GPC5: variants seen among roughly 807,000 people sequenced by gnomAD.
GPC5 encodes the protein glypican-5.
In GPC5, 47 loss-of-function variants were observed where a neutral mutation model predicts 53.9. The observed-to-expected ratio is 0.87, with a 90% confidence interval of 0.69 to 1.11. The LOEUF (loss-of-function observed/expected upper bound fraction) is 1.11. Ranked by LOEUF, GPC5 falls within the 50% of genes most tolerant of loss-of-function variation. GPC5 has a pLI of 0.00. For missense variants in GPC5, 748 were observed against 713.1 expected (o/e 1.05, Z -0.56); for synonymous variants, 286 against 263.3 (o/e 1.09, Z -0.84).
intron 1 of GPC5, among the ~76,000 whole-genome samples, chr13:91,419,271 T>C (rs1048302714): frequency 6.6e-6 from 1 of 152,114 alleles, no homozygotes; most frequent in Non-Finnish European, 1.5e-5. Flanking sequence ...ATTCATATAA[T>C]CTGAAAATAA....
At chr13:91,457,398 C>T (rs1039616993) in intron 2 of GPC5, among the ~76,000 whole-genome samples, 1 of 151,920 alleles carries the variant, frequency 6.6e-6, no homozygotes, top group Admixed American at 6.6e-5. Flanking sequence ...TATTTTAAAA[C>T]TCAATAATGT....
chr13:91,405,153 A>G (rs1264773638), intron 1 of GPC5, among the ~76,000 whole-genome samples: 4 of 152,330 alleles, frequency 2.6e-5, no homozygotes, highest in East Asian at 1.9e-4. Flanking sequence ...CCAAACTCCT[A>G]CACAACTCAT....
intron 7 of GPC5, among the ~76,000 whole-genome samples, chr13:92,661,396 A>T (rs565978583): frequency 1.3e-5 from 2 of 152,316 alleles, no homozygotes; most frequent in African/African-American, 4.8e-5. Context: ...TCAGTGTATA[A>T]ATTATACACA....
At chr13:91,620,501 T>A (rs2033824120) in intron 2 of GPC5, among the ~76,000 whole-genome samples, 1 of 152,170 alleles carries the variant, frequency 6.6e-6, no homozygotes, top group South Asian at 2.1e-4. Flanking sequence ...CTACAATTTC[T>A]AGTTATCACC....
At chr13:91,875,173 T>C (rs891374013) in intron 5 of GPC5, among the ~76,000 whole-genome samples, 1 of 152,224 alleles carries the variant, frequency 6.6e-6, no homozygotes, top group African/African-American at 2.4e-5. Context: ...ATATGTCCTT[T>C]ATTGGATGCC....
At chr13:91,741,603 G>C (rs905867206) in intron 4 of GPC5, among the ~76,000 whole-genome samples, 6 of 152,106 alleles carry the variant, frequency 3.9e-5, no homozygotes, top group African/African-American at 9.7e-5. Context: ...GCATCAGTTA[G>C]TTTAAAATGC....
At chr13:92,632,061 C>T (rs1233728901) in intron 7 of GPC5, among the ~76,000 whole-genome samples, 1 of 152,080 alleles carries the variant, frequency 6.6e-6, no homozygotes, top group Non-Finnish European at 1.5e-5. Flanking sequence ...ACTAAACTGG[C>T]CTAACAGAGA....
chr13:92,681,599 A>G (rs748179315), intron 7 of GPC5, among the ~76,000 whole-genome samples: 12 of 152,138 alleles, frequency 7.9e-5, no homozygotes, highest in Non-Finnish European at 1.6e-4. Context: ...TACTTGTCTC[A>G]TGATAAATTC....
intron 5 of GPC5, among the ~76,000 whole-genome samples, chr13:91,805,629 ATGAAG>A: frequency 6.6e-6 from 1 of 152,340 alleles, no homozygotes; most frequent in East Asian, 1.9e-4. Flanking sequence ...TAAAATGAAA[ATGAAG>A]TGTTGTATTG....
intron 7 of GPC5, among the ~76,000 whole-genome samples, chr13:92,862,060 C>T (rs1303319739): frequency 1.3e-5 from 2 of 152,270 alleles, no homozygotes; most frequent in East Asian, 3.9e-4. Flanking sequence ...GAGTTCAATG[C>T]TTTGAATGTG....
intron 3 of GPC5, among the ~76,000 whole-genome samples, chr13:91,727,484 C>T (rs910247643): frequency 6.6e-6 from 1 of 152,090 alleles, no homozygotes; most frequent in Non-Finnish European, 1.5e-5. Flanking sequence ...ACTTTAGTTA[C>T]TCATATTTTC....
At chr13:92,393,503 G>T (rs1160504999) in intron 7 of GPC5, among the ~76,000 whole-genome samples, 1 of 152,100 alleles carries the variant, frequency 6.6e-6, no homozygotes, top group African/African-American at 2.4e-5. Context: ...TTCAAAATTA[G>T]CTGGGCATGG....
At chr13:91,571,950 TAC>T (rs1304805989) in intron 2 of GPC5, among the ~76,000 whole-genome samples, 2 of 137,480 alleles carry the variant, frequency 1.5e-5, no homozygotes, top group Non-Finnish European at 3.2e-5. Flanking sequence ...TATATACATA[TAC>T]ACACATATAT....
At chr13:92,467,022 A>T (rs1041342862) in intron 7 of GPC5, among the ~76,000 whole-genome samples, 1 of 152,076 alleles carries the variant, frequency 6.6e-6, no homozygotes, top group Non-Finnish European at 1.5e-5. Context: ...CCTTCCTAAT[A>T]AAAGCTGGAG....
intron 5 of GPC5, among the ~76,000 whole-genome samples, chr13:91,855,788 C>T (rs2038960982): frequency 6.6e-6 from 1 of 151,400 alleles, no homozygotes; most frequent in Admixed American, 6.6e-5. Flanking sequence ...ATGATTCAGT[C>T]TAGTACTGAG....
intron 7 of GPC5, among the ~76,000 whole-genome samples, chr13:92,148,089 A>G (rs1161040536): frequency 6.6e-6 from 1 of 152,138 alleles, no homozygotes; most frequent in African/African-American, 2.4e-5. Flanking sequence ...TGACATAAAT[A>G]GCACACAGTT....
intron 7 of GPC5, among the ~76,000 whole-genome samples, chr13:92,639,967 T>A (rs900530197): frequency 3.3e-5 from 5 of 151,748 alleles, no homozygotes; most frequent in African/African-American, 1.2e-4. Flanking sequence ...TGAGGATTTT[T>A]TTTTTTCTCT....
At chr13:92,356,507 C>T (rs1037476597) in intron 7 of GPC5, among the ~76,000 whole-genome samples, 1 of 152,102 alleles carries the variant, frequency 6.6e-6, no homozygotes, top group African/African-American at 2.4e-5. Context: ...AGACCCCTTA[C>T]TTGGAGAGGT....
chr13:92,281,273 C>A (rs992915606), intron 7 of GPC5, among the ~76,000 whole-genome samples: 10 of 152,202 alleles, frequency 6.6e-5, no homozygotes, highest in African/African-American at 1.2e-4. Flanking sequence ...GTGGAGCCCA[C>A]CACAGCTCAA....
Sources: gnomAD v4.1 joint callset for allele counts (sites outside exome capture counted in the v4.1 genomes callset) on GRCh38, gnomAD v4.1.1 for gene constraint, MANE v1.5 for transcripts, NCBI Gene and HGNC (gene_info 2026-07-23, HGNC 2026-07-21) for gene names.